RFX2: variants seen among roughly 807,000 people sequenced by gnomAD.
The protein encoded by RFX2 is DNA-binding protein RFX2.
Under a neutral mutation model 87.8 loss-of-function variants are expected in RFX2, and 20 were observed. The ratio of observed to expected loss-of-function variants is 0.23; its 90% CI spans 0.16 to 0.33. The LOEUF (loss-of-function observed/expected upper bound fraction) is 0.33. RFX2 is among the 10% of genes least tolerant of loss of function. RFX2 has a pLI of 1.00. For synonymous variants in RFX2, 397 were observed against 431.3 expected (o/e 0.92, Z 0.98); for missense variants, 767 against 1,012.3 (o/e 0.76, Z 3.29).
At chr19:6,009,787 A>G (rs1218433626) in intron 9 of RFX2, among the ~76,000 whole-genome samples, 1 of 152,046 alleles carries the variant, frequency 6.6e-6, no homozygotes, top group Non-Finnish European at 1.5e-5. Context: ...GCTGGTCTTG[A>G]ACTCCTGAGC....
chr19:6,082,092 C>T (rs967323643), intron 1 of RFX2, among the ~76,000 whole-genome samples: 39 of 151,992 alleles, frequency 2.6e-4, no homozygotes, highest in African/African-American at 8.4e-4. Context: ...GAGACTCCGT[C>T]TCAAAAACAA....
At chr19:5,995,443 G>A (rs1225565122) in intron 17 of RFX2, among the ~76,000 whole-genome samples, 158 bp downstream of exon 17, 1 of 152,186 alleles carries the variant, frequency 6.6e-6, no homozygotes, top group Non-Finnish European at 1.5e-5. Context: ...TGCTGCTCAG[G>A]CATCACCCAC....
chr19:6,013,810 G>C lies in RFX2; in HGVS notation c.780-705C>G, dbSNP rs1346352300. 6.6e-6 allele frequency among the ~76,000 whole-genome samples: 1 copy of C among 152,202 alleles called. No homozygotes were observed. Among genetic ancestry groups the C allele is most frequent in the South Asian group, 2.1e-4 (1 of 4,834 alleles). ...GAACTGTGTGAGGAATGTGATCAAG[G>C]AATTCTGTACATAATGCCGTTGTCA... On this transcript the variant is annotated intron_variant, in intron 7 of 17. Transcript: ENST00000303657. This position sits in a 1 kb window ranked among gnomAD's most constrained non-coding sequence, Gnocchi z 4.1.
At chr19:6,032,515 A>G (rs895554873) in intron 5 of RFX2, among the ~76,000 whole-genome samples, 1 of 152,178 alleles carries the variant, frequency 6.6e-6, no homozygotes, top group East Asian at 1.9e-4. Flanking sequence ...TTAGGCCTGG[A>G]GAAGGGAAAA....
chr19:6,104,010 T>C (rs2088169675), intron 1 of RFX2, among the ~76,000 whole-genome samples: 1 of 152,214 alleles, frequency 6.6e-6, no homozygotes, highest in African/African-American at 2.4e-5. Flanking sequence ...ATTTCTAATA[T>C]AGCAACCACA....
chr19:6,076,446 G>T (rs1408370283), intron 1 of RFX2, among the ~76,000 whole-genome samples: 5 of 152,140 alleles, frequency 3.3e-5, no homozygotes, highest in Admixed American at 2.6e-4. Flanking sequence ...CTAGGCGAGG[G>T]TGCCTGGGTC....
rs2088131753 is a variant in RFX2, at chr19:6,101,817, T to A, written c.-9+8576A>T. ...TTTGAGCCTCTGTCCAGGTTCTCCC[T>A]CTACCTAAGAGTCCCTTTGAGATCT... is the stretch of plus-strand genomic sequence containing the variant. On this transcript the variant is annotated intron_variant, in intron 1 of 17. Transcript: ENST00000303657. The surrounding 1 kb of genome is among the most constrained non-coding windows in gnomAD (Gnocchi z 4.9). 6.6e-6 allele frequency among the ~76,000 whole-genome samples: 1 copy of A among 152,216 alleles called. No individual in the cohort carries two copies. The highest frequency in any genetic ancestry group is 2.1e-4 in the South Asian group (1 of 4,832).
In RFX2 at chr19:6,020,585, C is replaced by T. The variant is rs2086798159; in HGVS notation, c.598-4314G>A. Among the ~76,000 whole-genome samples the T allele has an allele frequency of 6.6e-6, 1 of 152,234 alleles. No individual in the cohort carries two copies. Among genetic ancestry groups the T allele is most frequent in the Non-Finnish European group, 1.5e-5 (1 of 68,050 alleles). On this transcript the variant is annotated intron_variant, in intron 6 of 17. Coordinates refer to ENST00000303657, the MANE Select transcript of RFX2 (RefSeq NM_000635.4). The surrounding 1 kb of genome is among the most constrained non-coding windows in gnomAD (Gnocchi z 5.3). ...TCCCATCCCTCGGTGCTGGAGCCCACACCTGGCGGCACGTCAGACTGCGGC... is the reference window on the plus strand; with the variant it reads ...TCCCATCCCTCGGTGCTGGAGCCCATACCTGGCGGCACGTCAGACTGCGGC...
At chr19:6,080,523 G>A (rs1215575192) in intron 1 of RFX2, among the ~76,000 whole-genome samples, 1 of 152,150 alleles carries the variant, frequency 6.6e-6, no homozygotes, top group African/African-American at 2.4e-5. Flanking sequence ...CAAGGTGATT[G>A]CAGAGGGATA....
In RFX2 at chr19:6,107,616, C is replaced by CAAA. The variant is rs1156483792; in HGVS notation, c.-9+2774_-9+2776dup. Among the ~76,000 whole-genome samples, 306 of 31,534 alleles carry CAAA rather than the reference C, an allele frequency of 9.7e-3. 53 individuals are homozygous for CAAA. Among genetic ancestry groups the CAAA allele is most frequent in the African/African-American group, 0.034 (276 of 8,064 alleles). The allele number at this position is 31,534 out of a possible 152,430, so 20.7% of individuals were successfully genotyped here. On this transcript the variant is annotated intron_variant, in intron 1 of 17. Coordinates refer to ENST00000303657, the MANE Select transcript of RFX2 (RefSeq NM_000635.4). The stretch of plus-strand genomic sequence containing the variant: ...TGGGTGACAGAGTGAGACCCTGTCT[C>CAAA]AAAAAAAAAAAAAAAAAAAAAAAAA...
chr19:6,103,973 C>T (rs889842440), intron 1 of RFX2, among the ~76,000 whole-genome samples: 1 of 152,060 alleles, frequency 6.6e-6, no homozygotes, highest in Non-Finnish European at 1.5e-5. Flanking sequence ...AGATGCCAGC[C>T]CCTGTGCTAA....
At chr19:5,994,995 C>A (rs538563334) in intron 17 of RFX2, 45 bp from the exon 18 acceptor site, 46 of 1,448,870 alleles carry the variant, frequency 3.2e-5, no homozygotes, top group Non-Finnish European at 4.3e-5. Flanking sequence ...CAGGAGGGCA[C>A]GAGAGGGAGA....
rs202184598 is a variant in RFX2, at chr19:6,075,249, G to A, written c.-8-27745C>T. ...TAAGACAGGAGGAGAAGGAGGAAGA[G>A]GAGAAAGAAGAGGAGGAGAAGGTGG... On this transcript the variant is annotated intron_variant, in intron 1 of 17. Transcript: ENST00000303657. Among the ~76,000 whole-genome samples, 23 of 152,210 alleles carry A rather than the reference G, an allele frequency of 1.5e-4. No homozygotes were observed. In the East Asian group the frequency reaches 4.4e-3, roughly 29 times the overall value.
At chr19:6,025,776 GTCT>G (rs773729560) in intron 6 of RFX2, among the ~76,000 whole-genome samples, 9 of 145,818 alleles carry the variant, frequency 6.2e-5, no homozygotes, top group East Asian at 4.0e-4. Flanking sequence ...TCATTTTATT[GTCT>G]TCTTCTTTTT....
At chr19:6,072,555 A>C (rs2087622596) in intron 1 of RFX2, among the ~76,000 whole-genome samples, 1 of 151,864 alleles carries the variant, frequency 6.6e-6, no homozygotes, top group African/African-American at 2.4e-5. Flanking sequence ...AAAAATTAAA[A>C]ATTATTCGGG....
At position 6,021,761 on chromosome 19, in the gene RFX2, T is replaced by C. The variant is rs577601712; in HGVS notation, c.597+4402A>G. ...CCATTTTGACAACACTCGGTTCTAC[T>C]TGGAGGGCCAAGGGGAGCCCTGGAG... On this transcript the variant is annotated intron_variant, in intron 6 of 17. Transcript: ENST00000303657. The surrounding 1 kb of genome is among the most constrained non-coding windows in gnomAD (Gnocchi z 5.7). Among the ~76,000 whole-genome samples the C allele has an allele frequency of 3.9e-5, 6 of 152,310 alleles. No individual in the cohort carries two copies. Among genetic ancestry groups the C allele is most frequent in the South Asian group, 4.1e-4 (2 of 4,828 alleles).
intron 5 of RFX2, among the ~76,000 whole-genome samples, chr19:6,038,895 C>G (rs896087612): frequency 1.8e-4 from 27 of 152,178 alleles, no homozygotes; most frequent in South Asian, 4.1e-4. Flanking sequence ...GGTGCAACCA[C>G]TTGGGAAACT....
Position 5,993,338 on chromosome 19 carries a change from ATTCCCAGCTTTTCGT to A in RFX2, c.*1482_*1496del, listed in dbSNP as rs1363716380. On this transcript the variant is annotated 3_prime_UTR_variant, in exon 18 of 18. Coordinates refer to ENST00000303657, the MANE Select transcript of RFX2 (RefSeq NM_000635.4). ...ATACGACCAGACAAACAGTGTGATT[ATTCCCAGCTTTTCGT>A]TTCTAAAGTGAGCACGCGTCTTTGT... 1.3e-5 allele frequency: 2 copies of A among 152,242 alleles called. No individual in the cohort carries two copies. The highest frequency in any genetic ancestry group is 2.9e-5 in the Non-Finnish European group (2 of 68,054). The allele number at this position is 152,242 out of a possible 1,614,324, so 9.4% of individuals were successfully genotyped here.
At chr19:6,082,293 C>CAA (rs34361456) in intron 1 of RFX2, among the ~76,000 whole-genome samples, 4,815 of 99,844 alleles carry the variant, frequency 0.048, 357 homozygotes, top group African/African-American at 0.16. Context: ...GACCCTGTCT[C>CAA]AAAAAAAAAA....
Sources: allele counts gnomAD v4.1 joint callset (sites outside exome capture counted in the v4.1 genomes callset), GRCh38; gene constraint gnomAD v4.1.1; non-coding constraint Gnocchi (gnomAD v3.1); transcripts MANE v1.5; gene names NCBI Gene and HGNC (gene_info 2026-07-23, HGNC 2026-07-21).